The following TNFRSF11A variants were observed in gnomAD, a reference collection of about 807,000 sequenced individuals.
TNFRSF11A encodes TNF receptor superfamily member 11a.
Under a neutral mutation model 55.7 loss-of-function variants are expected in TNFRSF11A, and 32 were observed. The observed-to-expected ratio is 0.57, with a 90% CI of 0.43 to 0.77. The LOEUF is 0.77. Ranked by LOEUF, TNFRSF11A falls within the 30% of genes least tolerant of loss-of-function variation. The pLI is 0.00. For missense variants in TNFRSF11A, 753 were observed against 809.8 expected (o/e 0.93, Z 0.85); for synonymous variants, 311 against 331.0 (o/e 0.94, Z 0.65).
At chr18:62,380,728 G>A (rs572783633) in intron 9 of TNFRSF11A, among the ~76,000 whole-genome samples, 1 of 151,892 alleles carries the variant, frequency 6.6e-6, no homozygotes, top group Non-Finnish European at 1.5e-5. Flanking sequence ...GAGCCACTGC[G>A]CCCAGCCAAT....
At chr18:62,348,027 C>T in intron 1 of TNFRSF11A, 141 bp from the exon 2 acceptor site, 1 of 711,328 alleles carries the variant, frequency 1.4e-6, no homozygotes, top group East Asian at 2.7e-5. Flanking sequence ...CCATTGCACT[C>T]CAGCCTGGGC....
intron 1 of TNFRSF11A, among the ~76,000 whole-genome samples, chr18:62,347,153 C>G (rs2046395293): frequency 6.6e-6 from 1 of 152,190 alleles, no homozygotes; most frequent in Non-Finnish European, 1.5e-5. Context: ...TCATTCCACT[C>G]TAAGACCCTT....
chr18:62,332,448 A>C (rs1053678305), intron 1 of TNFRSF11A, among the ~76,000 whole-genome samples: 15 of 152,272 alleles, frequency 9.9e-5, no homozygotes, highest in African/African-American at 3.4e-4. Flanking sequence ...TTGAGAATCA[A>C]TTCCATTTTT....
intron 9 of TNFRSF11A, chr18:62,378,104 G>A (rs985120408): frequency 1.3e-5 from 2 of 152,204 alleles, no homozygotes; most frequent in African/African-American, 4.8e-5. Flanking sequence ...CCAACATGGT[G>A]ACCTATTGAT....
At chr18:62,360,647 G>A (rs1049189447) in intron 6 of TNFRSF11A, among the ~76,000 whole-genome samples, 5 of 151,998 alleles carry the variant, frequency 3.3e-5, no homozygotes, top group East Asian at 1.9e-4. Flanking sequence ...GGGTTTCACC[G>A]TGTTGGCCAG....
At chr18:62,362,210 G>A (rs56074067) in intron 7 of TNFRSF11A, among the ~76,000 whole-genome samples, 33,868 of 151,976 alleles carry the variant, frequency 0.22, 4,016 homozygotes, top group Middle Eastern at 0.39. Context: ...AAGAACCTTC[G>A]GTGGGTGTGG....
intron 1 of TNFRSF11A, among the ~76,000 whole-genome samples, chr18:62,335,212 A>G (rs1001988311): frequency 1.3e-5 from 2 of 151,092 alleles, no homozygotes; most frequent in African/African-American, 4.9e-5. Flanking sequence ...GGTTCAAGCA[A>G]TTCTCCTGCC....
chr18:62,334,352 C>A (rs2046199277), intron 1 of TNFRSF11A, among the ~76,000 whole-genome samples: 1 of 152,074 alleles, frequency 6.6e-6, no homozygotes, highest in African/African-American at 2.4e-5. Context: ...TCGTCTATGC[C>A]CCACACCCCA....
At chr18:62,339,275 G>A (rs762082090) in intron 1 of TNFRSF11A, among the ~76,000 whole-genome samples, 23 of 152,020 alleles carry the variant, frequency 1.5e-4, no homozygotes, top group African/African-American at 5.3e-4. Flanking sequence ...GCACCTGCCC[G>A]AGTCTCCCAT....
intron 9 of TNFRSF11A, among the ~76,000 whole-genome samples, chr18:62,376,338 C>G (rs989925732): frequency 2.1e-5 from 3 of 140,144 alleles, no homozygotes; most frequent in African/African-American, 8.1e-5. Flanking sequence ...GAGGCAGCCT[C>G]GAAGGGGAAC....
rs1911730417 is a variant in TNFRSF11A at position 62,386,289 on chromosome 18, TAGATA to T, written c.*1259_*1263del. 4 of 152,334 alleles carry T rather than the reference TAGATA, an allele frequency of 2.6e-5. 1 individual carries two copies. Among genetic ancestry groups the T allele is most frequent in the African/African-American group, 9.6e-5 (4 of 41,570 alleles). The allele number at this position is 152,334 out of a possible 1,614,324, so 9.4% of individuals were successfully genotyped here. On this transcript the variant is annotated 3_prime_UTR_variant, in exon 10 of 10. Coordinates refer to ENST00000586569, the MANE Select transcript of TNFRSF11A (RefSeq NM_003839.4). ...AATTTTAATTTGCATTTTTTTTGTC[TAGATA>T]AGAATAGCGTGAATAGATCCTCTTT...
At chr18:62,358,021 G>A (rs1229203263) in intron 4 of TNFRSF11A, 1 of 542,508 alleles carries the variant, frequency 1.8e-6, no homozygotes, top group Admixed American at 3.1e-5. Flanking sequence ...ACCTTTCTGA[G>A]CGTGGTTCCA....
intron 1 of TNFRSF11A, among the ~76,000 whole-genome samples, chr18:62,327,458 TC>T (rs1171980782): frequency 6.6e-6 from 1 of 152,230 alleles, no homozygotes; most frequent in Non-Finnish European, 1.5e-5. Context: ...TGCCCAACCT[TC>T]CCAGTAGAAA....
intron 1 of TNFRSF11A, among the ~76,000 whole-genome samples, chr18:62,347,272 G>A (rs1191302367): frequency 6.6e-6 from 1 of 152,208 alleles, no homozygotes; most frequent in African/African-American, 2.4e-5. Flanking sequence ...CAGTTCTTCA[G>A]TTTCTGACAT....
rs1398460275 is a variant in TNFRSF11A, at chr18:62,325,474, C to T, written c.75+47C>T. On this transcript the variant is annotated intron_variant, in intron 1 of 9. Transcript: ENST00000586569. This position sits in a 1 kb window ranked among gnomAD's most constrained non-coding sequence, Gnocchi z 4.7. The stretch of plus-strand genomic sequence containing the variant: ...CGGGCCGCGCGGCCCGACGCCTCCT[C>T]GGGAGCCCCGGGAAGGGCCGGGGCC... 34 of 1,182,822 alleles carry T rather than the reference C, an allele frequency of 2.9e-5. No individual in the cohort carries two copies. Among genetic ancestry groups the T allele is most frequent in the East Asian group, 4.3e-5 (1 of 23,172 alleles). The allele number at this position is 1,182,822 out of a possible 1,614,324, so 73.3% of individuals were successfully genotyped here.
intron 9 of TNFRSF11A, among the ~76,000 whole-genome samples, chr18:62,375,056 C>T (rs1217383603): frequency 6.6e-6 from 1 of 150,726 alleles, no homozygotes; most frequent in African/African-American, 2.4e-5. Context: ...AGGCCTGTAC[C>T]ACCACACCCT....
rs772750671 is a variant in TNFRSF11A, at chr18:62,349,473, G to A, written c.158-339G>A. 7.4e-4 allele frequency among the ~76,000 whole-genome samples: 112 copies of A among 152,182 alleles called. 1 individual carries two copies. The highest frequency in any genetic ancestry group is 1.4e-3 in the Non-Finnish European group (94 of 68,040). On this transcript the variant is annotated intron_variant, in intron 2 of 9. Coordinates refer to ENST00000586569, the MANE Select transcript of TNFRSF11A (RefSeq NM_003839.4). ...TGGGATTACAGGTGTGAGCCACCGT[G>A]CCTGGCCCATCATTCTATTCCTTAG...
intron 3 of TNFRSF11A, among the ~76,000 whole-genome samples, chr18:62,352,976 T>C (rs1006292281): frequency 6.6e-6 from 1 of 152,108 alleles, no homozygotes; most frequent in African/African-American, 2.4e-5. Context: ...ACAATCCAGG[T>C]GAGAAGGAGC....
intron 1 of TNFRSF11A, among the ~76,000 whole-genome samples, chr18:62,347,532 C>A (rs1412718951): frequency 1.3e-5 from 2 of 152,190 alleles, no homozygotes; most frequent in Non-Finnish European, 2.9e-5. Context: ...GTCCTTCAGG[C>A]AACAGGTAGT....
Sources: gnomAD v4.1 joint callset for allele counts (sites outside exome capture counted in the v4.1 genomes callset) on GRCh38, gnomAD v4.1.1 for gene constraint, Gnocchi (gnomAD v3.1) non-coding constraint, MANE v1.5 for transcripts, NCBI Gene and HGNC (gene_info 2026-07-23, HGNC 2026-07-21) for gene names.